Variants in MRC2 observed in about 807,000 individuals in gnomAD.
MRC2 encodes C-type mannose receptor 2.
A neutral mutation model predicts 206.2 loss-of-function variants in MRC2; 84 were observed. The observed-to-expected ratio is 0.41, with a 90% confidence interval of 0.34 to 0.49. MRC2 has a LOEUF of 0.49. Ranked by LOEUF, MRC2 falls within the 20% of genes least tolerant of loss-of-function variation. The probability of loss-of-function intolerance (pLI) is 0.31; values close to 1 mark genes in which losing one functional copy is unlikely to be tolerated. For synonymous variants in MRC2, 798 were observed against 800.0 expected (o/e 1.00, Z 0.04); for missense variants, 1,676 against 2,001.5 (o/e 0.84, Z 3.10).
intron 12 of MRC2, among the ~76,000 whole-genome samples, chr17:62,677,812 G>A (rs2088912796): frequency 4.6e-5 from 7 of 152,188 alleles, no homozygotes; most frequent in Admixed American, 4.6e-4. Flanking sequence ...AGCACTTTGG[G>A]AGGTCAAGGC....
At chr17:62,651,359 G>A (rs1349685178) in intron 1 of MRC2, among the ~76,000 whole-genome samples, 4 of 152,178 alleles carry the variant, frequency 2.6e-5, no homozygotes, top group African/African-American at 9.7e-5. Flanking sequence ...TGGGATTACA[G>A]GCGTGAGCCA....
chr17:62,640,102 C>T (rs545432137), intron 1 of MRC2, among the ~76,000 whole-genome samples: 139 of 144,592 alleles, frequency 9.6e-4, no homozygotes, highest in African/African-American at 3.5e-3. Context: ...AACTCCTGAC[C>T]TCAGGTGATC....
rs1444623503 is a variant in MRC2, at chr17:62,635,146, T to G, written c.118+7226T>G. 2.0e-5 allele frequency among the ~76,000 whole-genome samples: 3 copies of G among 151,246 alleles called. No homozygotes were observed. In the East Asian group the frequency reaches 5.8e-4, roughly 29 times the overall value. ...ATGCCCAGCCCCATTGTTTTTTTTT[T>G]AAATTGAAGCAGGTCTGAACCTGTT... On this transcript the variant is annotated intron_variant, in intron 1 of 29. Coordinates refer to ENST00000303375, the MANE Select transcript of MRC2 (RefSeq NM_006039.5).
intron 1 of MRC2, among the ~76,000 whole-genome samples, chr17:62,636,461 A>ATTT (rs60774612): frequency 6.9e-4 from 53 of 76,928 alleles, no homozygotes; most frequent in Non-Finnish European, 9.4e-4. Flanking sequence ...TAATCTTCTG[A>ATTT]TTTTTTTTTT....
intron 20 of MRC2, among the ~76,000 whole-genome samples, chr17:62,688,001 TC>T (rs1348958028): frequency 3.3e-5 from 5 of 152,226 alleles, no homozygotes; most frequent in Non-Finnish European, 5.9e-5. Flanking sequence ...GTCCCCATCT[TC>T]CTAGTGCTTG....
At chr17:62,663,129 G>A (rs537936503) in intron 1 of MRC2, among the ~76,000 whole-genome samples, 10 of 152,196 alleles carry the variant, frequency 6.6e-5, no homozygotes, top group Admixed American at 2.0e-4. Flanking sequence ...CTTACTGGGC[G>A]TGGGACACTG....
In MRC2 at chr17:62,667,565, G is replaced by A. The variant is rs939864062; in HGVS notation, c.1117+32G>A. ...CAGGGACTGTGCCGCAGGGTGGGGA[G>A]GGGCTCCCAGGGCCAGGGACACAGC... On this transcript the variant is annotated intron_variant, in intron 6 of 29. Coordinates refer to ENST00000303375, the MANE Select transcript of MRC2 (RefSeq NM_006039.5). This position sits in a 1 kb window ranked among gnomAD's most constrained non-coding sequence, Gnocchi z 4.1. 6 of 1,576,864 alleles carry A rather than the reference G, an allele frequency of 3.8e-6. No homozygotes were observed. The highest frequency in any genetic ancestry group is 3.4e-6 in the Non-Finnish European group (4 of 1,169,506).
In MRC2 at chr17:62,643,247, G is replaced by C. The variant is rs1598969141; in HGVS notation, c.118+15327G>C. Among the ~76,000 whole-genome samples, 3 of 148,882 alleles carry C rather than the reference G, an allele frequency of 2.0e-5. No individual in the cohort carries two copies. The Admixed American group carries it at 2.1e-4, about 10-fold the overall frequency. ...GGAAGCTGAGGCAAGAGAATCACTT[G>C]AAACCGGGAGGTGGAGGTTGCAGTG... On this transcript the variant is annotated intron_variant, in intron 1 of 29. Transcript: ENST00000303375.
intron 11 of MRC2, 136 bp downstream of exon 11, chr17:62,676,667 G>A (rs1479312985): frequency 9.1e-7 from 1 of 1,102,210 alleles, no homozygotes; most frequent in African/African-American, 1.6e-5. Context: ...ATGAGCACAA[G>A]CTCTGAAACC....
intron 1 of MRC2, among the ~76,000 whole-genome samples, chr17:62,659,141 G>A (rs1017054834): frequency 3.9e-5 from 6 of 152,068 alleles, no homozygotes; most frequent in Non-Finnish European, 8.8e-5. Context: ...TCTCTCTGGG[G>A]TGTCTTTTAT....
At chr17:62,643,912 G>T (rs1245843343) in intron 1 of MRC2, among the ~76,000 whole-genome samples, 2 of 152,008 alleles carry the variant, frequency 1.3e-5, no homozygotes, top group Non-Finnish European at 2.9e-5. Flanking sequence ...AGTGAAAAAA[G>T]ATCCAAAAAT....
intron 1 of MRC2, among the ~76,000 whole-genome samples, chr17:62,658,200 G>A (rs1203348382): frequency 2.0e-5 from 3 of 152,130 alleles, no homozygotes; most frequent in Admixed American, 6.5e-5. Context: ...TCCTTGTAAC[G>A]CCCCCAGACA....
Position 62,671,541 on chromosome 17 carries a change from G to A in MRC2, c.1118-108G>A. On this transcript the variant is annotated intron_variant, in intron 6 of 29. Transcript: ENST00000303375. This position sits in a 1 kb window ranked among gnomAD's most constrained non-coding sequence, Gnocchi z 4.5. ...GACCGGGATTGATCTGGGAGAGTTTGGAGAGGAGGTGACTGGGAGGCCTCG... is the reference window on the plus strand; with the variant it reads ...GACCGGGATTGATCTGGGAGAGTTTAGAGAGGAGGTGACTGGGAGGCCTCG... The A allele has an allele frequency of 1.0e-6, 1 of 993,312 alleles. No homozygotes were observed. Among genetic ancestry groups the A allele is most frequent in the South Asian group, 1.9e-5 (1 of 52,314 alleles). The allele number at this position is 993,312 out of a possible 1,614,324, so 61.5% of individuals were successfully genotyped here.
chr17:62,666,470 C>A lies in MRC2; in HGVS notation c.710C>A (p.Thr237Asn), dbSNP rs372836512. The A allele has an allele frequency of 1.9e-6, 3 of 1,614,008 alleles. No individual in the cohort carries two copies. The highest frequency in any genetic ancestry group is 2.5e-6 in the Non-Finnish European group (3 of 1,179,992). ...GTGGTGGCAGGTAACGACTGCGAGA[C>A]CTTCTGGGACAAGGACCAGCTGACT... is the stretch of plus-strand genomic sequence containing the variant. ...FCPIKSNDCE[T>N]FWDKDQLTDS... The change falls in exon 4 of 30, where the codon ACC becomes AAC. Residue 237 changes from threonine to asparagine, a missense_variant. By Grantham distance (65) the Thr-to-Asn change is moderately conservative. Transcript: ENST00000303375. This position sits in a 1 kb window ranked among gnomAD's most constrained non-coding sequence, Gnocchi z 5.0.
At chr17:62,650,996 C>A (rs2088549456) in intron 1 of MRC2, among the ~76,000 whole-genome samples, 1 of 152,168 alleles carries the variant, frequency 6.6e-6, no homozygotes, top group Admixed American at 6.6e-5. Context: ...GTCACTTAAC[C>A]TTTCTGTGTT....
At chr17:62,644,425 T>TA (rs972958558) in intron 1 of MRC2, among the ~76,000 whole-genome samples, 47 of 149,822 alleles carry the variant, frequency 3.1e-4, no homozygotes, top group African/African-American at 9.4e-4. Context: ...TCTGGAAAAA[T>TA]AAAAAAACAT....
chr17:62,664,495 G>T lies in MRC2; in HGVS notation c.119-53G>T. 6.4e-7 allele frequency: 1 copy of T among 1,553,778 alleles called. No homozygotes were observed. ...GCCTGTCAGCCACACCGGTCATCAAGGGCCAACCAGGAGAGCCCCTGTGAT... is the reference window on the plus strand; with the variant it reads ...GCCTGTCAGCCACACCGGTCATCAATGGCCAACCAGGAGAGCCCCTGTGAT... On this transcript the variant is annotated intron_variant, in intron 1 of 29. Transcript: ENST00000303375. This position sits in a 1 kb window ranked among gnomAD's most constrained non-coding sequence, Gnocchi z 4.7.
At chr17:62,651,571 T>G (rs1256375706) in intron 1 of MRC2, among the ~76,000 whole-genome samples, 1 of 152,076 alleles carries the variant, frequency 6.6e-6, no homozygotes, top group Admixed American at 6.5e-5. Flanking sequence ...AATTGAAAGT[T>G]AATTTTTTTC....
chr17:62,657,246 C>G (rs2088628900), intron 1 of MRC2, among the ~76,000 whole-genome samples: 1 of 152,182 alleles, frequency 6.6e-6, no homozygotes, highest in African/African-American at 2.4e-5. Context: ...CCTGCCAGAC[C>G]ATATGGTGAT....
Sources: gnomAD v4.1 joint callset for allele counts (sites outside exome capture counted in the v4.1 genomes callset) on GRCh38, gnomAD v4.1.1 for gene constraint, Gnocchi (gnomAD v3.1) non-coding constraint, MANE v1.5 for transcripts, NCBI Gene and HGNC (gene_info 2026-07-23, HGNC 2026-07-21) for gene names.